The following GALNTL6 variants were observed in gnomAD, a reference collection of about 807,000 sequenced individuals.
GALNTL6 encodes polypeptide N-acetylgalactosaminyltransferase like 6.
GALNTL6 carries 46 observed loss-of-function variants against 73.7 expected under a neutral mutation model. That is an observed-to-expected ratio of 0.62 (90% CI 0.49 to 0.80). The LOEUF (loss-of-function observed/expected upper bound fraction) is 0.80, where lower values mean the gene tolerates loss of function less well. Among genes scored for constraint, GALNTL6 ranks in the 30% least tolerant of loss-of-function variants. The pLI, the probability that GALNTL6 is intolerant of heterozygous loss-of-function variation, is 0.00. For missense variants in GALNTL6, 604 were observed against 755.0 expected (o/e 0.80, Z 2.34); for synonymous variants, 259 against 263.7 (o/e 0.98, Z 0.17).
intron 5 of GALNTL6, among the ~76,000 whole-genome samples, chr4:172,363,946 A>G (rs963187802): frequency 6.6e-6 from 1 of 152,248 alleles, no homozygotes; most frequent in Non-Finnish European, 1.5e-5. Context: ...AGTGAAGCTC[A>G]GAGAAACAAA....
intron 8 of GALNTL6, among the ~76,000 whole-genome samples, chr4:172,902,569 T>C (rs1383496241): frequency 6.6e-6 from 1 of 152,162 alleles, no homozygotes; most frequent in Non-Finnish European, 1.5e-5. Flanking sequence ...AAGCTCTTGA[T>C]CAATAGCCTC....
chr4:172,687,962 T>G (rs1733033473), intron 5 of GALNTL6, among the ~76,000 whole-genome samples: 1 of 152,196 alleles, frequency 6.6e-6, no homozygotes, highest in African/African-American at 2.4e-5. Context: ...TTAACTATTT[T>G]CCTTAAAGTC....
In GALNTL6 at chr4:172,851,375, A is replaced by ATT. The variant is rs1743809126; in HGVS notation, c.924-31414_924-31413dup. On this transcript the variant is annotated intron_variant, in intron 7 of 12. Transcript: ENST00000506823. ...GCTTTGTGCCAAAAATCAGGGGCAG[A>ATT]TTATATATATATGTATGTATGTACT... Among the ~76,000 whole-genome samples, 8 of 151,886 alleles carry ATT rather than the reference A, an allele frequency of 5.3e-5. No homozygotes were observed. The South Asian group carries it at 1.7e-3, about 32-fold the overall frequency.
chr4:172,618,828 A>G (rs918882121), intron 5 of GALNTL6, among the ~76,000 whole-genome samples: 9 of 152,164 alleles, frequency 5.9e-5, no homozygotes, highest in Non-Finnish European at 1.0e-4. Flanking sequence ...GGTTCAAGCA[A>G]TTCTCTTGCC....
intron 2 of GALNTL6, among the ~76,000 whole-genome samples, chr4:171,902,997 T>A (rs1375900983): frequency 6.6e-6 from 1 of 152,140 alleles, no homozygotes; most frequent in African/African-American, 2.4e-5. Flanking sequence ...TTCATTACAA[T>A]CATTACAGCT....
chr4:172,778,109 A>G (rs538483566), intron 5 of GALNTL6, among the ~76,000 whole-genome samples: 2 of 152,368 alleles, frequency 1.3e-5, no homozygotes, highest in African/African-American at 4.8e-5. Flanking sequence ...ATTGTTTCCA[A>G]CAGTAAGTGG....
intron 5 of GALNTL6, among the ~76,000 whole-genome samples, chr4:172,472,288 A>G (rs897466849): frequency 2.0e-5 from 3 of 152,232 alleles, no homozygotes; most frequent in South Asian, 2.1e-4. Flanking sequence ...TGCAGAAGGC[A>G]TGAAGAAGTT....
chr4:172,375,627 A>G (rs982959251), intron 5 of GALNTL6, among the ~76,000 whole-genome samples: 4 of 152,178 alleles, frequency 2.6e-5, no homozygotes, highest in African/African-American at 9.7e-5. Context: ...GACCCTGCTG[A>G]TCGGAATAGT....
intron 2 of GALNTL6, among the ~76,000 whole-genome samples, chr4:172,008,278 G>A (rs1339991756): frequency 6.6e-6 from 1 of 152,030 alleles, no homozygotes; most frequent in African/African-American, 2.4e-5. Flanking sequence ...ATTTTAACAA[G>A]CATCTTGCTT....
chr4:172,199,426 A>C (rs1215657274), intron 2 of GALNTL6, among the ~76,000 whole-genome samples: 1 of 152,208 alleles, frequency 6.6e-6, no homozygotes, highest in Non-Finnish European at 1.5e-5. Flanking sequence ...ATTTTCAGTC[A>C]GATCTATTTT....
rs924634474 is a variant in GALNTL6 at position 172,397,621 on chromosome 4, A to G, written c.553+48932A>G. 4.6e-5 allele frequency among the ~76,000 whole-genome samples: 7 copies of G among 151,804 alleles called. No individual in the cohort carries two copies. The South Asian group carries it at 1.2e-3, about 27-fold the overall frequency. ...TAAAATGGAGTCTCGCTCTGTCGCC[A>G]GGCTGGAGTGCAGTGGTGCGGTCTC... On this transcript the variant is annotated intron_variant, in intron 5 of 12. Coordinates refer to ENST00000506823, the MANE Select transcript of GALNTL6 (RefSeq NM_001034845.3).
chr4:172,150,665 AT>A (rs1188445086), intron 2 of GALNTL6, among the ~76,000 whole-genome samples: 1 of 152,170 alleles, frequency 6.6e-6, no homozygotes, highest in Admixed American at 6.5e-5. Context: ...GCTAAAATAA[AT>A]TGAGTAACAG....
At chr4:171,851,838 C>T (rs1184496048) in intron 2 of GALNTL6, among the ~76,000 whole-genome samples, 2 of 152,124 alleles carry the variant, frequency 1.3e-5, no homozygotes, top group Non-Finnish European at 2.9e-5. Flanking sequence ...ATAAATATTT[C>T]AAAAGAGCTT....
chr4:171,828,770 A>C (rs536929698), intron 2 of GALNTL6, among the ~76,000 whole-genome samples: 5 of 152,062 alleles, frequency 3.3e-5, no homozygotes, highest in Non-Finnish European at 5.9e-5. Flanking sequence ...CTACAGGCAC[A>C]TGCTACTGGG....
intron 5 of GALNTL6, among the ~76,000 whole-genome samples, chr4:172,476,986 A>G (rs1039341193): frequency 1.4e-5 from 2 of 141,966 alleles, no homozygotes; most frequent in Admixed American, 7.4e-5. Flanking sequence ...GTGCAGTGGC[A>G]CGATCTCGGC....
intron 5 of GALNTL6, among the ~76,000 whole-genome samples, chr4:172,361,740 A>T (rs879333518): frequency 2.0e-5 from 3 of 152,172 alleles, no homozygotes; most frequent in Non-Finnish European, 4.4e-5. Flanking sequence ...GATGGTTCCA[A>T]TCAAATAACC....
intron 2 of GALNTL6, among the ~76,000 whole-genome samples, chr4:172,027,030 C>T (rs932104653): frequency 6.6e-6 from 1 of 152,022 alleles, no homozygotes; most frequent in Admixed American, 6.6e-5. Flanking sequence ...TGTGGGACTA[C>T]AGGTGCATGC....
In GALNTL6 at chr4:172,827,955, G is replaced by C. The variant is rs912619111; in HGVS notation, c.923+14232G>C. Among the ~76,000 whole-genome samples, 3 of 151,946 alleles carry C rather than the reference G, an allele frequency of 2.0e-5. No individual in the cohort carries two copies. In the East Asian group the frequency reaches 5.8e-4, roughly 30 times the overall value. The stretch of plus-strand genomic sequence containing the variant: ...GCACTTTAGACATTGAAGGAAGAAA[G>C]GAAAGGCAATTCTGCTTAGGAGGAA... On this transcript the variant is annotated intron_variant, in intron 7 of 12. Transcript: ENST00000506823.
rs576389888 is a variant in GALNTL6 at position 172,368,307 on chromosome 4, G to A, written c.553+19618G>A. ...GAGGCAAGAAAATTGCATGAACTTG[G>A]GAGGCAGAGGTTGCAGTGAGCTGAG... On this transcript the variant is annotated intron_variant, in intron 5 of 12. Coordinates refer to ENST00000506823, the MANE Select transcript of GALNTL6 (RefSeq NM_001034845.3). Among the ~76,000 whole-genome samples, 196 of 152,220 alleles carry A rather than the reference G, an allele frequency of 1.3e-3. 1 individual carries two copies. The highest frequency in any genetic ancestry group is 2.7e-3 in the African/African-American group (112 of 41,534).
Sources: allele counts gnomAD v4.1 joint callset (sites outside exome capture counted in the v4.1 genomes callset), GRCh38; gene constraint gnomAD v4.1.1; transcripts MANE v1.5; gene names NCBI Gene and HGNC (gene_info 2026-07-23, HGNC 2026-07-21).